Variants in MTMR10 observed in about 807,000 individuals in gnomAD.
MTMR10 encodes myotubularin related protein 10.
In MTMR10, 56 loss-of-function variants were observed where a neutral mutation model predicts 88.1. The ratio of observed to expected loss-of-function variants is 0.64; its 90% CI spans 0.51 to 0.79. The LOEUF (loss-of-function observed/expected upper bound fraction) is 0.79, where lower values mean the gene tolerates loss of function less well. Among genes scored for constraint, MTMR10 ranks in the 30% least tolerant of loss-of-function variants. The pLI is 0.00. For synonymous variants in MTMR10, 380 were observed against 340.9 expected (o/e 1.11, Z -1.26); for missense variants, 883 against 924.7 (o/e 0.95, Z 0.58).
At chr15:30,955,841 C>A (rs1313874825) in intron 9 of MTMR10, among the ~76,000 whole-genome samples, 1 of 152,050 alleles carries the variant, frequency 6.6e-6, no homozygotes, top group Non-Finnish European at 1.5e-5. Context: ...AAAATTCCTC[C>A]CACCCTTCCT....
At position 30,943,680 on chromosome 15, in the gene MTMR10, A is replaced by C. The variant is rs893298136; in HGVS notation, c.1549-608T>G. ...GGAGACCCCTCCTTCACAGGAGTCCACCTCTAGCCCGGACTCTGGGCGGGT... is the reference window on the plus strand; with the variant it reads ...GGAGACCCCTCCTTCACAGGAGTCCCCCTCTAGCCCGGACTCTGGGCGGGT... On this transcript the variant is annotated intron_variant, in intron 14 of 15. Coordinates refer to ENST00000435680, the MANE Select transcript of MTMR10 (RefSeq NM_017762.3). 3.0e-6 allele frequency: 3 copies of C among 985,256 alleles called. No homozygotes were observed. In the East Asian group the frequency reaches 3.4e-4, roughly 112 times the overall value. 61.0% of individuals were successfully genotyped at this position (985,256 alleles called of 1,614,324 possible).
the MTMR10 span, among the ~76,000 whole-genome samples, chr15:30,932,879 ATT>A: frequency 3.6e-5 from 5 of 139,310 alleles, no homozygotes; most frequent in Non-Finnish European, 4.7e-5. Context: ...TGCCTGGATA[ATT>A]TTTTTTTTTT....
chr15:30,961,376 G>GGCACCTGCCACCAT (rs2063399999), intron 6 of MTMR10, among the ~76,000 whole-genome samples: 1 of 152,040 alleles, frequency 6.6e-6, no homozygotes, highest in African/African-American at 2.4e-5. Flanking sequence ...TGGGATTACA[G>GGCACCTGCCACCAT]GCACCTGCCA....
intron 6 of MTMR10, among the ~76,000 whole-genome samples, chr15:30,961,313 A>C (rs184511784): frequency 2.6e-5 from 4 of 151,736 alleles, no homozygotes; most frequent in Non-Finnish European, 5.9e-5. Flanking sequence ...GGCTGACTGC[A>C]ACCTCCGCCC....
chr15:30,926,244 A>G, the MTMR10 span, among the ~76,000 whole-genome samples: 1 of 152,198 alleles, frequency 6.6e-6, no homozygotes, highest in Non-Finnish European at 1.5e-5. Flanking sequence ...CCCCACGGAC[A>G]CCCACTTCCA....
intron 1 of MTMR10, among the ~76,000 whole-genome samples, 181 bp from the exon 2 acceptor site, chr15:30,991,018 A>G (rs546576710): frequency 6.6e-6 from 1 of 152,314 alleles, no homozygotes; most frequent in East Asian, 1.9e-4. Flanking sequence ...TGGAAGCCTA[A>G]TAATAAAAAA....
At chr15:30,928,270 A>G in the MTMR10 span, 2 of 1,209,422 alleles carry the variant, frequency 1.7e-6, no homozygotes, top group Non-Finnish European at 2.1e-6. Flanking sequence ...TAGGTTATTC[A>G]CTAAAGTTTG....
the MTMR10 span, chr15:30,929,471 T>C: frequency 8.6e-7 from 1 of 1,162,096 alleles, no homozygotes; most frequent in Non-Finnish European, 1.2e-6. Context: ...TCAGCAACTT[T>C]ATCAAAATAC....
chr15:30,954,811 G>C lies in MTMR10; in HGVS notation c.1018C>G (p.Gln340Glu), dbSNP rs766711949. The change falls in exon 10 of 16, where the codon CAA becomes GAA. Residue 340 changes from glutamine to glutamate, a missense_variant. Around this residue, in one of 3 missense-constraint regions of MTMR10, gnomAD observed 414 missense variants for 423.2 expected, o/e 0.98. Transcript: ENST00000435680. The stretch of plus-strand genomic sequence containing the variant: ...TTTACAAATGCTGCCTGTACTTCTT[G>C]AATATTAGGCAAGGTCTTATCCAAA... ...SDLDKTLPNI[Q>E]EVQAAFVKLK... The C allele has an allele frequency of 1.2e-6, 2 of 1,600,622 alleles. No individual in the cohort carries two copies. Among genetic ancestry groups the C allele is most frequent in the Non-Finnish European group, 1.7e-6 (2 of 1,172,900 alleles).
chr15:30,940,268 T>G lies in MTMR10; in HGVS notation c.*1202A>C. 1.0e-6 allele frequency: 1 copy of G among 972,106 alleles called. No homozygotes were observed. Among genetic ancestry groups the G allele is most frequent in the Non-Finnish European group, 1.2e-6 (1 of 822,324 alleles). The allele number at this position is 972,106 out of a possible 1,614,324, so 60.2% of individuals were successfully genotyped here. A position where few individuals can be genotyped will look rare whatever the true frequency, so the allele number is the denominator to read the frequency against. On this transcript the variant is annotated 3_prime_UTR_variant, in exon 16 of 16. Coordinates refer to ENST00000435680, the MANE Select transcript of MTMR10 (RefSeq NM_017762.3). ...GGTAGGTAGGCTCTTGTCACACAGT[T>G]TGGAAATACTTTACTTTAGAGAGAT...
intron 4 of MTMR10, among the ~76,000 whole-genome samples, 199 bp from the exon 5 acceptor site, chr15:30,974,655 A>G (rs573937565): frequency 7.4e-4 from 113 of 152,242 alleles, no homozygotes; most frequent in Admixed American, 7.3e-3. Context: ...TTAAATGATT[A>G]TTTGCATAAA....
intron 7 of MTMR10, among the ~76,000 whole-genome samples, chr15:30,959,491 G>A (rs2063372329): frequency 6.6e-6 from 1 of 152,130 alleles, no homozygotes; most frequent in Non-Finnish European, 1.5e-5. Flanking sequence ...AAATCTACCA[G>A]GAGCTTTAGC....
chr15:30,955,154 CTT>C (rs1321382736), intron 9 of MTMR10, among the ~76,000 whole-genome samples: 2 of 151,980 alleles, frequency 1.3e-5, no homozygotes, highest in Non-Finnish European at 2.9e-5. Flanking sequence ...GACAGGTAAA[CTT>C]TGTTTCCCTC....
chr15:30,971,651 T>C (rs1260858359), intron 5 of MTMR10, among the ~76,000 whole-genome samples: 3 of 152,060 alleles, frequency 2.0e-5, no homozygotes, highest in Non-Finnish European at 4.4e-5. Context: ...TTGTCACTCA[T>C]GTGTATCTAT....
At chr15:30,929,944 AAT>A in the MTMR10 span, among the ~76,000 whole-genome samples, 3 of 107,818 alleles carry the variant, frequency 2.8e-5, no homozygotes, top group Non-Finnish European at 5.0e-5. Flanking sequence ...TAAAATATAT[AAT>A]ATAATATATA....
chr15:30,965,470 T>C (rs2141031643), intron 6 of MTMR10, among the ~76,000 whole-genome samples: 1 of 152,366 alleles, frequency 6.6e-6, no homozygotes, highest in Non-Finnish European at 1.5e-5. Flanking sequence ...AGAAGCATAA[T>C]CTGACATCTT....
chr15:30,956,461 G>A (rs1417417948), intron 9 of MTMR10: 1 of 152,222 alleles, frequency 6.6e-6, no homozygotes, highest in Admixed American at 6.5e-5. Flanking sequence ...AGGTCACATG[G>A]TGAAAAACAG....
chr15:30,980,509 T>A (rs752854926), intron 2 of MTMR10, among the ~76,000 whole-genome samples: 4 of 152,240 alleles, frequency 2.6e-5, no homozygotes, highest in Non-Finnish European at 4.4e-5. Context: ...TACACCTGGG[T>A]TGGTACATGT....
At chr15:30,927,938 AC>A in the MTMR10 span, 1 of 985,838 alleles carries the variant, frequency 1.0e-6, no homozygotes, top group Non-Finnish European at 1.2e-6. Flanking sequence ...CATTTGTGTG[AC>A]GTGAGGAGGG....
Sources: allele counts gnomAD v4.1 joint callset (sites outside exome capture counted in the v4.1 genomes callset), GRCh38; gene constraint gnomAD v4.1.1; regional missense constraint gnomAD v4.1.1; transcripts MANE v1.5; gene names NCBI Gene and HGNC (gene_info 2026-07-23, HGNC 2026-07-21).